Variants in DCC observed in about 807,000 individuals in gnomAD.
The protein encoded by DCC is DCC netrin 1 receptor.
Under a neutral mutation model 172.5 loss-of-function variants are expected in DCC, and 58 were observed. The ratio of observed to expected loss-of-function variants is 0.34; its 90% CI spans 0.27 to 0.42. The LOEUF (loss-of-function observed/expected upper bound fraction) is 0.42. Among genes scored for constraint, DCC ranks in the 10% least tolerant of loss-of-function variants. The pLI is 1.00. For synonymous variants in DCC, 709 were observed against 644.5 expected (o/e 1.10, Z -1.52); for missense variants, 1,740 against 1,791.0 (o/e 0.97, Z 0.51).
At chr18:53,167,025 AGAGAT>A (rs1456098623) in intron 8 of DCC, among the ~76,000 whole-genome samples, 7 of 152,164 alleles carry the variant, frequency 4.6e-5, no homozygotes, top group Non-Finnish European at 1.0e-4. Context: ...TGAAAGTAGA[AGAGAT>A]AAAAAGGAGA....
chr18:52,955,853 A>G (rs544216343), intron 5 of DCC, among the ~76,000 whole-genome samples: 1 of 152,192 alleles, frequency 6.6e-6, no homozygotes, highest in East Asian at 1.9e-4. Context: ...CCATCTGTAT[A>G]TTTATCTTCT....
intron 1 of DCC, among the ~76,000 whole-genome samples, chr18:52,564,667 T>TG (rs66655401): frequency 0.053 from 5,858 of 110,218 alleles, 281 homozygotes; most frequent in African/African-American, 0.13. Context: ...ATTATAATAT[T>TG]GGGGGGGGGG....
intron 12 of DCC, among the ~76,000 whole-genome samples, chr18:53,245,923 T>C (rs2056359566): frequency 6.6e-6 from 1 of 152,092 alleles, no homozygotes; most frequent in Admixed American, 6.6e-5. Flanking sequence ...GTTGTAAGCC[T>C]CTCAGAGTGA....
At chr18:53,159,940 G>T (rs2054808533) in intron 8 of DCC, among the ~76,000 whole-genome samples, 1 of 152,098 alleles carries the variant, frequency 6.6e-6, no homozygotes, top group Non-Finnish European at 1.5e-5. Context: ...AGAATGGAAG[G>T]GCTCAGAATA....
chr18:52,869,733 C>A (rs191525339), intron 2 of DCC, among the ~76,000 whole-genome samples: 7 of 152,220 alleles, frequency 4.6e-5, no homozygotes, highest in Admixed American at 4.6e-4. Context: ...AGTCTGCTGG[C>A]GTGTCAGCAC....
At chr18:53,046,116 CA>C (rs1372414402) in intron 5 of DCC, among the ~76,000 whole-genome samples, 3 of 151,748 alleles carry the variant, frequency 2.0e-5, no homozygotes, top group Non-Finnish European at 1.5e-5. Context: ...AATGAAAAGA[CA>C]AATAGAGTCT....
intron 1 of DCC, among the ~76,000 whole-genome samples, chr18:52,383,175 G>A (rs530543315): frequency 5.9e-5 from 9 of 152,110 alleles, no homozygotes; most frequent in South Asian, 4.1e-4. Flanking sequence ...GAGCATGAAC[G>A]TACTAAAGGC....
chr18:53,001,087 C>T (rs148502923), intron 5 of DCC, among the ~76,000 whole-genome samples: 107 of 152,040 alleles, frequency 7.0e-4, no homozygotes, highest in African/African-American at 2.3e-3. Context: ...ATTTGCAAAA[C>T]GACTCCCGCC....
chr18:53,199,135 G>A (rs926594480), intron 9 of DCC, among the ~76,000 whole-genome samples: 1 of 151,042 alleles, frequency 6.6e-6, no homozygotes, highest in Non-Finnish European at 1.5e-5. Context: ...GAGTGCAGCG[G>A]CACAATCTTG....
intron 2 of DCC, among the ~76,000 whole-genome samples, chr18:52,787,550 A>T (rs898487289): frequency 1.3e-5 from 2 of 151,828 alleles, no homozygotes; most frequent in African/African-American, 2.4e-5. Context: ...ATATCTTAGT[A>T]TTATTCACTA....
rs1461811004 is a variant in DCC at position 53,531,097 on chromosome 18, C to T, written c.*444C>T. On this transcript the variant is annotated 3_prime_UTR_variant, in exon 29 of 29. Coordinates refer to ENST00000442544, the MANE Select transcript of DCC (RefSeq NM_005215.4). ...TGCAAGCTCACTATTTTGTTTTCAA[C>T]TTAAACATACAAAGCACCCATGGGA... 3.6e-5 allele frequency: 8 copies of T among 219,880 alleles called. No homozygotes were observed. The highest frequency in any genetic ancestry group is 3.5e-4 in the Admixed American group (7 of 19,752). The allele number at this position is 219,880 out of a possible 1,614,324, so 13.6% of individuals were successfully genotyped here. A position where few individuals can be genotyped will look rare whatever the true frequency, so the allele number is the denominator to read the frequency against.
intron 1 of DCC, among the ~76,000 whole-genome samples, chr18:52,573,040 G>A (rs775113624): frequency 2.0e-5 from 3 of 152,110 alleles, no homozygotes; most frequent in African/African-American, 4.8e-5. Flanking sequence ...AACAGAAACC[G>A]TATGTAATGT....
intron 1 of DCC, chr18:52,409,189 C>G (rs1193259698): frequency 1.3e-5 from 2 of 152,092 alleles, no homozygotes; most frequent in Non-Finnish European, 2.9e-5. Flanking sequence ...TTACATTGCA[C>G]CTGCCTCAGG....
At chr18:53,458,658 T>A (rs1424105090) in intron 23 of DCC, among the ~76,000 whole-genome samples, 1 of 152,260 alleles carries the variant, frequency 6.6e-6, no homozygotes, top group Admixed American at 6.5e-5. Context: ...TGTGTTTGAA[T>A]CTGGACACTC....
In DCC at chr18:52,752,392, TCTCTTC is replaced by T; in HGVS notation, c.412+22_412+27del. Reference sequence around the variant, plus strand: ...AGTAGCAGGTAGGTGGATTCTTCCTTCTCTTCCTCCTCCTCCTTCCTCTCTTCTTCT... The same window carrying T: ...AGTAGCAGGTAGGTGGATTCTTCCTTCTCCTCCTCCTTCCTCTCTTCTTCT... On this transcript the variant is annotated intron_variant, in intron 2 of 28. Transcript: ENST00000442544. 6.3e-7 allele frequency: 1 copy of T among 1,576,940 alleles called. No individual in the cohort carries two copies. The highest frequency in any genetic ancestry group is 8.7e-7 in the Non-Finnish European group (1 of 1,145,994).
intron 12 of DCC, among the ~76,000 whole-genome samples, chr18:53,267,012 G>A (rs1052136002): frequency 6.6e-6 from 1 of 151,800 alleles, no homozygotes; most frequent in African/African-American, 2.4e-5. Context: ...GTGTAAATGC[G>A]TGTTTTTGTT....
intron 28 of DCC, among the ~76,000 whole-genome samples, chr18:53,529,042 A>C: frequency 2.0e-5 from 1 of 51,026 alleles, no homozygotes; most frequent in Non-Finnish European, 5.0e-5. Context: ...TCTCTCTCAC[A>C]CACACACACA....
chr18:52,686,390 G>T (rs780843415), intron 1 of DCC, among the ~76,000 whole-genome samples: 26 of 152,122 alleles, frequency 1.7e-4, no homozygotes, highest in Non-Finnish European at 3.2e-4. Context: ...TCAAGTCTGA[G>T]CTTCGAAAGG....
chr18:52,793,970 T>TTTATG (rs200555353), intron 2 of DCC, among the ~76,000 whole-genome samples: 1 of 152,116 alleles, frequency 6.6e-6, no homozygotes. Context: ...ATTTCTCGGT[T>TTTATG]TTCTATTAAT....
Sources: gnomAD v4.1 joint callset for allele counts (sites outside exome capture counted in the v4.1 genomes callset) on GRCh38, gnomAD v4.1.1 for gene constraint, MANE v1.5 for transcripts, NCBI Gene and HGNC (gene_info 2026-07-23, HGNC 2026-07-21) for gene names.